TF: variants seen among roughly 807,000 people sequenced by gnomAD.
TF encodes serotransferrin.
Under a neutral mutation model 82.4 loss-of-function variants are expected in TF, and 55 were observed. The observed-to-expected ratio is 0.67, with a 90% CI of 0.54 to 0.84. The LOEUF (loss-of-function observed/expected upper bound fraction) is 0.84, where lower values mean the gene tolerates loss of function less well. Among genes scored for constraint, TF ranks in the 40% least tolerant of loss-of-function variants. The pLI, the probability that TF is intolerant of heterozygous loss-of-function variation, is 0.00. For synonymous variants in TF, 332 were observed against 332.6 expected (o/e 1.00, Z 0.02); for missense variants, 737 against 868.4 (o/e 0.85, Z 1.90).
chr3:133,666,769 G>A, the TF span, among the ~76,000 whole-genome samples: 2 of 152,194 alleles, frequency 1.3e-5, no homozygotes. Flanking sequence ...AGGCATGGTG[G>A]CTCATGCCTG....
At chr3:133,740,305 G>A in the TF span, among the ~76,000 whole-genome samples, 1 of 152,160 alleles carries the variant, frequency 6.6e-6, no homozygotes, top group Admixed American at 6.5e-5. Context: ...GACACAGGGA[G>A]GGGAACATCA....
chr3:133,746,510 C>T (rs777955327), intron 1 of TF, 27 bp downstream of exon 1: 1 of 1,586,422 alleles, frequency 6.3e-7, no homozygotes, highest in Non-Finnish European at 8.5e-7. Context: ...GGTAGCACCG[C>T]AGAGTCGCTG....
chr3:133,755,302 A>G lies in TF; in HGVS notation c.503-61A>G, dbSNP rs373727934. The G allele has an allele frequency of 8.1e-6, 13 of 1,612,990 alleles. No homozygotes were observed. The Admixed American group carries it at 8.3e-5, about 10-fold the overall frequency. ...TTCCCTGATGGGCCTGGGTGGGGTGATGCCATTGGCTGTGGCCAGCCTCAC... is the reference window on the plus strand; with the variant it reads ...TTCCCTGATGGGCCTGGGTGGGGTGGTGCCATTGGCTGTGGCCAGCCTCAC... On this transcript the variant is annotated intron_variant, in intron 4 of 16. Coordinates refer to ENST00000402696, the MANE Select transcript of TF (RefSeq NM_001063.4).
intron 14 of TF, among the ~76,000 whole-genome samples, chr3:133,771,738 C>T (rs1430330956): frequency 2.1e-5 from 1 of 47,730 alleles, no homozygotes; most frequent in Non-Finnish European, 3.3e-5. Context: ...AGCGAGACTC[C>T]GTCTCAAAAA....
At position 133,794,491 on chromosome 3, in the gene TF, A is replaced by C. The variant is rs759327234; in HGVS notation, c.*15871A>C. On this transcript the variant is annotated 3_prime_UTR_variant, in exon 17 of 17. Coordinates refer to ENST00000402696, the MANE Select transcript of TF (RefSeq NM_001063.4). ...TATAACACTAAGTTATTATGCCACC[A>C]AGTATTTTCACAAGGTAAAGAAAGC... is the stretch of plus-strand genomic sequence containing the variant. 6.6e-6 allele frequency: 1 copy of C among 152,244 alleles called. No homozygotes were observed. The highest frequency in any genetic ancestry group is 1.5e-5 in the Non-Finnish European group (1 of 68,046). The allele number at this position is 152,244 out of a possible 1,614,324, so 9.4% of individuals were successfully genotyped here.
At chr3:133,729,850 T>G in the TF span, among the ~76,000 whole-genome samples, 1 of 152,238 alleles carries the variant, frequency 6.6e-6, no homozygotes, top group Non-Finnish European at 1.5e-5. Context: ...TTGTTGATTT[T>G]TTTCATTCAG....
chr3:133,703,043 T>C, the TF span, among the ~76,000 whole-genome samples: 3 of 152,236 alleles, frequency 2.0e-5, no homozygotes, highest in African/African-American at 7.2e-5. Flanking sequence ...ATAATGGCTA[T>C]GTAATATTCC....
chr3:133,696,478 G>T, the TF span, among the ~76,000 whole-genome samples: 2 of 152,130 alleles, frequency 1.3e-5, no homozygotes, highest in Admixed American at 6.5e-5. Flanking sequence ...TGAATAAGGT[G>T]GGACTCTGCT....
chr3:133,698,452 C>T, the TF span, among the ~76,000 whole-genome samples: 11 of 152,182 alleles, frequency 7.2e-5, no homozygotes, highest in Non-Finnish European at 1.5e-4. Flanking sequence ...ATTCCAAGAT[C>T]ATGATGTTGG....
In TF at chr3:133,765,503, C is replaced by A. The variant is rs1030656823; in HGVS notation, c.1330+596C>A. 7.9e-5 allele frequency among the ~76,000 whole-genome samples: 12 copies of A among 152,190 alleles called. 1 individual carries two copies. The highest frequency in any genetic ancestry group is 2.9e-4 in the African/African-American group (12 of 41,432). ...GTCTTACACCAAGGTGAGCACTGGC[C>A]CCCTATGCTCAGGCCCCTGCAGGTC... On this transcript the variant is annotated intron_variant, in intron 11 of 16. Coordinates refer to ENST00000402696, the MANE Select transcript of TF (RefSeq NM_001063.4).
chr3:133,739,314 T>C, the TF span, among the ~76,000 whole-genome samples: 4 of 151,934 alleles, frequency 2.6e-5, no homozygotes, highest in Non-Finnish European at 5.9e-5. Context: ...AAAAATTAAC[T>C]CAAGATGGAT....
chr3:133,760,889 T>A (rs534317966), intron 9 of TF: 3 of 152,712 alleles, frequency 2.0e-5, no homozygotes, highest in Admixed American at 2.0e-4. Flanking sequence ...CCAGGGCCCA[T>A]GGATTAATGA....
In TF at chr3:133,789,878, C is replaced by CATTTTTTTTTTTTTTTTTTTTTTTTTTT. The variant is rs1559884865; in HGVS notation, c.*11258_*11259insATTTTTTTTTTTTTTTTTTTTTTTTTTT. ...AGCCAAAACAAAACGATCTCGTTTG[C>CATTTTTTTTTTTTTTTTTTTTTTTTTTT]GTTTTTTTTTTTTTTTTTTTTTTTT... On this transcript the variant is annotated 3_prime_UTR_variant, in exon 17 of 17. Transcript: ENST00000402696. 3.8e-5 allele frequency: 2 copies of CATTTTTTTTTTTTTTTTTTTTTTTTTTT among 52,408 alleles called. 1 individual carries two copies. The highest frequency in any genetic ancestry group is 1.2e-3 in the South Asian group (2 of 1,684). 3.2% of individuals were successfully genotyped at this position (52,408 alleles called of 1,614,324 possible).
the TF span, among the ~76,000 whole-genome samples, chr3:133,676,556 T>A: frequency 6.6e-6 from 1 of 152,048 alleles, no homozygotes; most frequent in African/African-American, 2.4e-5. Context: ...GTAGGGTATC[T>A]TATGTGGGGT....
intron 9 of TF, 96 bp downstream of exon 9, chr3:133,759,425 A>C: frequency 6.6e-7 from 1 of 1,520,174 alleles, no homozygotes; most frequent in Non-Finnish European, 9.0e-7. Context: ...AATGATGCAA[A>C]AACCTGGCTC....
the TF span, among the ~76,000 whole-genome samples, chr3:133,722,553 T>A: frequency 4.6e-5 from 7 of 152,274 alleles, no homozygotes; most frequent in East Asian, 9.7e-4. Context: ...TCTTTCTTAT[T>A]TTTGTATCTG....
chr3:133,736,272 C>T, the TF span, among the ~76,000 whole-genome samples: 3 of 152,124 alleles, frequency 2.0e-5, no homozygotes, highest in Non-Finnish European at 4.4e-5. Flanking sequence ...TTTGTCACCA[C>T]CAGGCCTGCC....
the TF span, among the ~76,000 whole-genome samples, chr3:133,726,895 C>A: frequency 0.032 from 4,884 of 152,112 alleles, 137 homozygotes; most frequent in South Asian, 0.092. Flanking sequence ...ATCTTTATTT[C>A]TGCCTTCATT....
chr3:133,725,296 G>T, the TF span, among the ~76,000 whole-genome samples: 54 of 152,218 alleles, frequency 3.5e-4, no homozygotes, highest in East Asian at 1.5e-3. Context: ...GAGCATGGAA[G>T]GTTCTTCCAT....
Sources: gnomAD v4.1 joint callset for allele counts (sites outside exome capture counted in the v4.1 genomes callset) on GRCh38, gnomAD v4.1.1 for gene constraint, MANE v1.5 for transcripts, NCBI Gene and HGNC (gene_info 2026-07-23, HGNC 2026-07-21) for gene names.